The following ZDHHC2 variants were observed in gnomAD, a reference collection of about 807,000 sequenced individuals.
ZDHHC2 encodes the protein zDHHC palmitoyltransferase 2, also known as palmitoyltransferase ZDHHC2.
A neutral mutation model predicts 55.6 loss-of-function variants in ZDHHC2; 51 were observed. The observed-to-expected ratio is 0.92, with a 90% CI of 0.73 to 1.16. The LOEUF (loss-of-function observed/expected upper bound fraction) is 1.16, where lower values mean the gene tolerates loss of function less well. Among genes scored for constraint, ZDHHC2 ranks in the 50% most tolerant of loss-of-function variants. ZDHHC2 has a pLI of 0.00. For missense variants in ZDHHC2, 491 were observed against 442.4 expected (o/e 1.11, Z -0.99); for synonymous variants, 199 against 152.9 (o/e 1.30, Z -2.22).
chr8:17,168,623 C>T (rs111942922), intron 1 of ZDHHC2, among the ~76,000 whole-genome samples: 5 of 152,158 alleles, frequency 3.3e-5, no homozygotes, highest in African/African-American at 7.2e-5. Flanking sequence ...CAAACTGCTT[C>T]GCTGTGCAGT....
chr8:17,178,075 T>G (rs1173689827), intron 1 of ZDHHC2, among the ~76,000 whole-genome samples: 3 of 152,200 alleles, frequency 2.0e-5, no homozygotes, highest in Non-Finnish European at 2.9e-5. Context: ...TTGTCTATTA[T>G]GAAGGTGTAG....
intron 1 of ZDHHC2, among the ~76,000 whole-genome samples, chr8:17,159,631 T>C (rs2952137): frequency 0.15 from 22,775 of 152,208 alleles, 4,329 homozygotes; most frequent in East Asian, 0.5. Context: ...GCTTAGTGTT[T>C]GTATTTTATA....
chr8:17,159,777 T>G (rs1268888679), intron 1 of ZDHHC2, among the ~76,000 whole-genome samples: 2 of 152,198 alleles, frequency 1.3e-5, no homozygotes, highest in Non-Finnish European at 2.9e-5. Context: ...ACAGTTATAC[T>G]TCTAATCATT....
intron 1 of ZDHHC2, among the ~76,000 whole-genome samples, chr8:17,182,974 C>T (rs988500785): frequency 1.3e-5 from 2 of 152,208 alleles, no homozygotes; most frequent in Non-Finnish European, 2.9e-5. Flanking sequence ...GTTGGCCAGG[C>T]TGGTCTTGAA....
chr8:17,166,194 A>G (rs562525513), intron 1 of ZDHHC2, among the ~76,000 whole-genome samples: 2 of 152,312 alleles, frequency 1.3e-5, no homozygotes, highest in South Asian at 2.1e-4. Context: ...TACTGCATCA[A>G]TCCAGGTGAG....
chr8:17,198,294 T>G, intron 5 of ZDHHC2, 87 bp from the exon 6 acceptor site: 1 of 1,286,704 alleles, frequency 7.8e-7, no homozygotes, highest in Non-Finnish European at 1.0e-6. Context: ...CGCAGCTGTT[T>G]GAACTAACCA....
intron 4 of ZDHHC2, 38 bp downstream of exon 4, chr8:17,195,662 A>G (rs757835554): frequency 4.3e-6 from 7 of 1,611,724 alleles, no homozygotes; most frequent in Non-Finnish European, 5.9e-6. Context: ...ATGGTATGCA[A>G]ATAACATCAT....
Position 17,186,366 on chromosome 8 carries a change from A to G in ZDHHC2, c.193A>G (p.Met65Val), listed in dbSNP as rs1196406479. The change falls in exon 3 of 13, where the codon ATG (methionine) becomes GTG (valine). Residue 65 changes from methionine (M) to valine (V), a missense_variant. Transcript: ENST00000262096. ...CLMAYHLLFA[M>V]FVWSYWKTIF... ...GATGGCCTATCATCTACTTTTTGCA[A>G]TGTTTGTCTGGTCATACTGGAAAAC... The G allele has an allele frequency of 4.4e-6, 7 of 1,593,976 alleles. No homozygotes were observed. Among genetic ancestry groups the G allele is most frequent in the East Asian group, 2.3e-5 (1 of 43,720 alleles).
At chr8:17,165,377 C>T (rs997363953) in intron 1 of ZDHHC2, among the ~76,000 whole-genome samples, 1 of 152,140 alleles carries the variant, frequency 6.6e-6, no homozygotes, top group African/African-American at 2.4e-5. Flanking sequence ...AGGGCAGGGA[C>T]CAGTTTGACT....
chr8:17,187,223 A>G (rs1195710309), intron 3 of ZDHHC2, among the ~76,000 whole-genome samples: 1 of 152,234 alleles, frequency 6.6e-6, no homozygotes, highest in Middle Eastern at 3.2e-3. Context: ...AAGTAGAGTG[A>G]TGGATCAAAT....
intron 1 of ZDHHC2, among the ~76,000 whole-genome samples, chr8:17,175,887 G>A (rs192853595): frequency 3.3e-4 from 50 of 152,316 alleles, no homozygotes; most frequent in Admixed American, 3.1e-3. Flanking sequence ...CGTGGAGTCA[G>A]GTGTGGAGCT....
intron 7 of ZDHHC2, among the ~76,000 whole-genome samples, chr8:17,207,611 A>G (rs1807166358): frequency 1.3e-5 from 2 of 152,174 alleles, no homozygotes; most frequent in Non-Finnish European, 2.9e-5. Flanking sequence ...TGTTAACAAA[A>G]CATACTCCGT....
intron 6 of ZDHHC2, among the ~76,000 whole-genome samples, chr8:17,201,813 C>T (rs540494945): frequency 6.2e-4 from 94 of 151,884 alleles, no homozygotes; most frequent in Non-Finnish European, 1.1e-3. Context: ...CTTTTTTATA[C>T]AGGTATTTTA....
intron 1 of ZDHHC2, chr8:17,157,720 A>G (rs1387099590): frequency 6.6e-6 from 1 of 152,230 alleles, no homozygotes; most frequent in South Asian, 2.1e-4. Flanking sequence ...TTATCAGAAA[A>G]AGATGTTAAA....
At chr8:17,159,450 T>G (rs778250177) in intron 1 of ZDHHC2, among the ~76,000 whole-genome samples, 9 of 152,210 alleles carry the variant, frequency 5.9e-5, no homozygotes, top group Non-Finnish European at 1.3e-4. Flanking sequence ...GGGATGACCC[T>G]GAATATAAAT....
At chr8:17,206,209 T>G (rs1404613929) in intron 7 of ZDHHC2, among the ~76,000 whole-genome samples, 1 of 152,256 alleles carries the variant, frequency 6.6e-6, no homozygotes, top group Non-Finnish European at 1.5e-5. Context: ...GTCTAATGTT[T>G]CTAAACAAAA....
At chr8:17,179,586 T>G (rs1156698044) in intron 1 of ZDHHC2, among the ~76,000 whole-genome samples, 1 of 151,968 alleles carries the variant, frequency 6.6e-6, no homozygotes, top group Admixed American at 6.6e-5. Context: ...AAAAAAAAGT[T>G]TATTTGTAGA....
At chr8:17,197,296 C>T (rs1255127792) in intron 4 of ZDHHC2, among the ~76,000 whole-genome samples, 1 of 152,078 alleles carries the variant, frequency 6.6e-6, no homozygotes, top group Admixed American at 6.6e-5. Flanking sequence ...TTAACATGGA[C>T]ATATTTGTAC....
Position 17,190,951 on chromosome 8 carries a change from C to CTTT in ZDHHC2, c.253-4527_253-4525dup, listed in dbSNP as rs10601402. On this transcript the variant is annotated intron_variant, in intron 3 of 12. Coordinates refer to ENST00000262096, the MANE Select transcript of ZDHHC2 (RefSeq NM_016353.5). ...TGTCAAATACTAGGTCTTATTCATT[C>CTTT]TTTTTTTTTTTTTTTTTTTTTTTTT... Among the ~76,000 whole-genome samples, 105 of 52,792 alleles carry CTTT rather than the reference C, an allele frequency of 2.0e-3. 2 individuals carry two copies. The highest frequency in any genetic ancestry group is 2.5e-3 in the Non-Finnish European group (73 of 29,440). 34.6% of individuals were successfully genotyped at this position (52,792 alleles called of 152,430 possible). A position where few individuals can be genotyped will look rare whatever the true frequency, so the allele number is the denominator to read the frequency against.
Sources: allele counts gnomAD v4.1 joint callset (sites outside exome capture counted in the v4.1 genomes callset), GRCh38; gene constraint gnomAD v4.1.1; transcripts MANE v1.5; gene names NCBI Gene and HGNC (gene_info 2026-07-23, HGNC 2026-07-21).